Variants in MYT1L observed in about 807,000 individuals in gnomAD.
The protein encoded by MYT1L is myelin transcription factor 1-like protein.
Under a neutral mutation model 126.7 loss-of-function variants are expected in MYT1L, and 12 were observed. The observed-to-expected ratio is 0.09, with a 90% confidence interval of 0.06 to 0.15. The LOEUF (loss-of-function observed/expected upper bound fraction) is 0.15. Among genes scored for constraint, MYT1L ranks in the 10% least tolerant of loss-of-function variants. The probability of loss-of-function intolerance (pLI) is 1.00; values close to 1 mark genes in which losing one functional copy is unlikely to be tolerated. For missense variants in MYT1L, 979 were observed against 1,585.2 expected, an observed-to-expected ratio of 0.62 and a Z score of 6.49; for synonymous variants, 541 against 604.2, an observed-to-expected ratio of 0.90 and a Z score of 1.53.
At position 2,294,929 on chromosome 2, in the gene MYT1L, C is replaced by T. The variant is rs1044387896; in HGVS notation, c.-520-10426G>A. Among the ~76,000 whole-genome samples, 12 of 152,216 alleles carry T rather than the reference C, an allele frequency of 7.9e-5. No homozygotes were observed. The East Asian group carries it at 1.7e-3, about 22-fold the overall frequency. On this transcript the variant is annotated intron_variant, in intron 1 of 24. Transcript: ENST00000647738. ...AGCAATCAATGTGCATAAATGAGAT[C>T]AATAACGTGCAGTTAAAAGTGATGT...
intron 4 of MYT1L, among the ~76,000 whole-genome samples, chr2:2,045,911 G>C (rs1387290427): frequency 6.6e-6 from 1 of 152,132 alleles, no homozygotes; most frequent in Non-Finnish European, 1.5e-5. Flanking sequence ...GTCTGTCTTA[G>C]CTACATCCCC....
At chr2:2,130,792 G>A (rs2082270442) in intron 3 of MYT1L, among the ~76,000 whole-genome samples, 1 of 151,956 alleles carries the variant, frequency 6.6e-6, no homozygotes, top group South Asian at 2.1e-4. Flanking sequence ...TAAAATGAGG[G>A]GAATAATATT....
intron 18 of MYT1L, among the ~76,000 whole-genome samples, chr2:1,866,610 G>A (rs1299783703): frequency 2.7e-5 from 3 of 113,020 alleles, no homozygotes; most frequent in African/African-American, 7.2e-5. Context: ...AGAGGGAGGG[G>A]GAGAGAGAGA....
At chr2:1,861,397 A>G (rs1469465461) in intron 18 of MYT1L, among the ~76,000 whole-genome samples, 1 of 152,170 alleles carries the variant, frequency 6.6e-6, no homozygotes, top group African/African-American at 2.4e-5. Flanking sequence ...CCACCTAGAC[A>G]GGAGGGGATG....
chr2:1,834,481 C>G (rs2040567458), intron 21 of MYT1L, among the ~76,000 whole-genome samples: 1 of 152,202 alleles, frequency 6.6e-6, no homozygotes, highest in African/African-American at 2.4e-5. Context: ...CCATAGTCAA[C>G]ACATGATGGA....
chr2:2,243,690 C>T (rs1021668037), intron 2 of MYT1L, among the ~76,000 whole-genome samples: 11 of 152,206 alleles, frequency 7.2e-5, no homozygotes, highest in Admixed American at 1.3e-4. Context: ...ACATAAGACT[C>T]ATATGGTAGC....
intron 1 of MYT1L, among the ~76,000 whole-genome samples, chr2:2,294,358 G>A (rs2095641796): frequency 6.6e-6 from 1 of 152,158 alleles, no homozygotes; most frequent in Admixed American, 6.5e-5. Flanking sequence ...ATCTTAGGAT[G>A]GTTTCAATTT....
intron 18 of MYT1L, among the ~76,000 whole-genome samples, chr2:1,884,244 C>T (rs1432027466): frequency 1.3e-5 from 2 of 152,218 alleles, no homozygotes; most frequent in African/African-American, 4.8e-5. Context: ...CGATTAGAGA[C>T]TGTTACAGGA....
At chr2:1,805,561 A>C (rs1004560412) in intron 22 of MYT1L, among the ~76,000 whole-genome samples, 2 of 152,072 alleles carry the variant, frequency 1.3e-5, no homozygotes, top group African/African-American at 2.4e-5. Flanking sequence ...AGAGCAACAC[A>C]GGGGGCAACA....
intron 3 of MYT1L, among the ~76,000 whole-genome samples, chr2:2,152,596 G>C (rs1000825473): frequency 1.3e-5 from 2 of 152,152 alleles, no homozygotes; most frequent in African/African-American, 4.8e-5. Flanking sequence ...CTGTGCAGAG[G>C]ACAGAAAACA....
At position 1,807,349 on chromosome 2, in the gene MYT1L, C is replaced by G. The variant is rs181963004; in HGVS notation, c.3172+1727G>C. Reference sequence around the variant, plus strand: ...TAACAGTCAGATGAGAGGAGACCCCCGTGGCTGTGGCCAGGGGCTTCATGC... The same window carrying G: ...TAACAGTCAGATGAGAGGAGACCCCGGTGGCTGTGGCCAGGGGCTTCATGC... On this transcript the variant is annotated intron_variant, in intron 22 of 24. Transcript: ENST00000647738. Among the ~76,000 whole-genome samples, 342 of 152,266 alleles carry G rather than the reference C, an allele frequency of 2.2e-3. 10 individuals carry two copies. The highest frequency in any genetic ancestry group is 4.7e-3 in the East Asian group (24 of 5,160).
intron 1 of MYT1L, chr2:2,319,405 T>A (rs942975793): frequency 6.6e-6 from 1 of 152,070 alleles, no homozygotes; most frequent in Non-Finnish European, 1.5e-5. Context: ...CTTGCTGCGT[T>A]GGAACTCTGC....
chr2:2,216,416 G>T (rs1428997260), intron 2 of MYT1L, among the ~76,000 whole-genome samples: 1 of 152,164 alleles, frequency 6.6e-6, no homozygotes, highest in Non-Finnish European at 1.5e-5. Flanking sequence ...AATAACCCAT[G>T]GGTCAAAGGA....
At chr2:2,078,732 T>A (rs1274851735) in intron 3 of MYT1L, among the ~76,000 whole-genome samples, 1 of 152,182 alleles carries the variant, frequency 6.6e-6, no homozygotes, top group Non-Finnish European at 1.5e-5. Context: ...TAAAAATAAC[T>A]GGAGACATCA....
At position 1,889,301 on chromosome 2, in the gene MYT1L, G is replaced by A. The variant is rs369933785; in HGVS notation, c.2460C>T (p.Pro820=). The change falls in exon 16 of 25, where the codon CCC becomes CCT. Residue 820 remains proline, a synonymous_variant. Coordinates refer to ENST00000647738, the MANE Select transcript of MYT1L (RefSeq NM_001303052.2). The surrounding 1 kb of genome is among the most constrained non-coding windows in gnomAD (Gnocchi z 4.1). The part of the protein sequence containing the change: ...QLGEGDCWDL[P]VDYTKMKPRR... ...GGGGTTTCATTTTGGTGTAGTCTACGGGCAAGTCCCAGCAGTCGCCCTCGC... is the reference window on the plus strand; with the variant it reads ...GGGGTTTCATTTTGGTGTAGTCTACAGGCAAGTCCCAGCAGTCGCCCTCGC... 1.2e-5 allele frequency: 19 copies of A among 1,613,728 alleles called. No homozygotes were observed. Among genetic ancestry groups the A allele is most frequent in the African/African-American group, 8.0e-5 (6 of 74,870 alleles).
intron 8 of MYT1L, among the ~76,000 whole-genome samples, chr2:1,970,600 C>T (rs1367725530): frequency 7.2e-5 from 11 of 152,278 alleles, no homozygotes; most frequent in South Asian, 6.2e-4. Flanking sequence ...TCAGGGTTCC[C>T]GGGGGCTCTG....
chr2:2,250,705 A>C (rs1360007032), intron 2 of MYT1L, among the ~76,000 whole-genome samples: 1 of 152,146 alleles, frequency 6.6e-6, no homozygotes, highest in African/African-American at 2.4e-5. Context: ...GAGGGGATGG[A>C]TACCCAATTC....
intron 2 of MYT1L, among the ~76,000 whole-genome samples, chr2:2,280,103 G>C (rs1294523279): frequency 6.6e-6 from 1 of 152,158 alleles, no homozygotes; most frequent in Non-Finnish European, 1.5e-5. Flanking sequence ...TAAAAATTAA[G>C]AAAATTTGTA....
chr2:2,188,400 G>A (rs2148712950), intron 2 of MYT1L, among the ~76,000 whole-genome samples: 1 of 152,332 alleles, frequency 6.6e-6, no homozygotes. Flanking sequence ...CCCCCAAGCT[G>A]AGCTTTGATG....
Sources: allele counts gnomAD v4.1 joint callset (sites outside exome capture counted in the v4.1 genomes callset), GRCh38; gene constraint gnomAD v4.1.1; non-coding constraint Gnocchi (gnomAD v3.1); transcripts MANE v1.5; gene names NCBI Gene and HGNC (gene_info 2026-07-23, HGNC 2026-07-21).